The following CNTNAP2 variants were observed in gnomAD, a reference collection of about 807,000 sequenced individuals.
CNTNAP2 encodes contactin-associated protein-like 2.
CNTNAP2 carries 98 observed loss-of-function variants against 155.2 expected under a neutral mutation model. The ratio of observed to expected loss-of-function variants is 0.63; its 90% CI spans 0.54 to 0.75. CNTNAP2 has a LOEUF of 0.75. Among genes scored for constraint, CNTNAP2 ranks in the 30% least tolerant of loss-of-function variants. The pLI, the probability that CNTNAP2 is intolerant of heterozygous loss-of-function variation, is 0.00. For synonymous variants in CNTNAP2, 651 were observed against 631.2 expected (o/e 1.03, Z -0.47); for missense variants, 1,727 against 1,688.1 (o/e 1.02, Z -0.40).
At chr7:146,385,960 C>A (rs943767495) in intron 1 of CNTNAP2, among the ~76,000 whole-genome samples, 2 of 152,054 alleles carry the variant, frequency 1.3e-5, no homozygotes, top group African/African-American at 4.8e-5. Flanking sequence ...ATAAGCATAT[C>A]ACATACAAGT....
chr7:146,943,426 A>T (rs1480357782), intron 3 of CNTNAP2, among the ~76,000 whole-genome samples: 2 of 152,202 alleles, frequency 1.3e-5, no homozygotes, highest in Admixed American at 1.3e-4. Flanking sequence ...TGGGAGACAG[A>T]GGTTGCAGTG....
chr7:146,565,802 C>A (rs1423938038), intron 1 of CNTNAP2, among the ~76,000 whole-genome samples: 2 of 152,168 alleles, frequency 1.3e-5, no homozygotes, highest in African/African-American at 4.8e-5. Flanking sequence ...GTGGCCCATG[C>A]CATACTTCAA....
At chr7:146,389,703 C>CTTTTTTTTT in intron 1 of CNTNAP2, among the ~76,000 whole-genome samples, 1 of 129,016 alleles carries the variant, frequency 7.8e-6, no homozygotes, top group Non-Finnish European at 1.7e-5. Context: ...TTTCTTTTTT[C>CTTTTTTTTT]TTTTTTTTTT....
intron 3 of CNTNAP2, among the ~76,000 whole-genome samples, chr7:146,855,869 C>A (rs1460043149): frequency 1.5e-5 from 2 of 136,950 alleles, no homozygotes; most frequent in African/African-American, 5.4e-5. Flanking sequence ...TTACATACTA[C>A]ATGCTAAGTA....
At chr7:147,879,387 G>A (rs980941022) in intron 13 of CNTNAP2, among the ~76,000 whole-genome samples, 1 of 152,166 alleles carries the variant, frequency 6.6e-6, no homozygotes, top group Non-Finnish European at 1.5e-5. Context: ...CTCTGACTCT[G>A]CCAGGCACCA....
intron 16 of CNTNAP2, among the ~76,000 whole-genome samples, chr7:148,122,618 A>C (rs2116615590): frequency 6.6e-6 from 1 of 152,282 alleles, no homozygotes; most frequent in African/African-American, 2.4e-5. Flanking sequence ...CTGACTCAAC[A>C]TGACCCTGAA....
chr7:148,271,130 A>G (rs1043324458), intron 21 of CNTNAP2, among the ~76,000 whole-genome samples: 1 of 152,238 alleles, frequency 6.6e-6, no homozygotes, highest in Non-Finnish European at 1.5e-5. Flanking sequence ...GATGCTAGCT[A>G]CATGCCGGTT....
intron 15 of CNTNAP2, among the ~76,000 whole-genome samples, chr7:148,013,644 T>C (rs1033286741): frequency 4.6e-5 from 7 of 152,228 alleles, no homozygotes; most frequent in Non-Finnish European, 7.3e-5. Context: ...AAATCAATTA[T>C]TGGTGTGAGG....
At chr7:147,284,092 T>C (rs982120294) in intron 8 of CNTNAP2, among the ~76,000 whole-genome samples, 3 of 151,908 alleles carry the variant, frequency 2.0e-5, no homozygotes, top group South Asian at 2.1e-4. Context: ...GAACGGCAAG[T>C]ACAAATGTGA....
chr7:147,050,278 A>G (rs1204250654), intron 4 of CNTNAP2, among the ~76,000 whole-genome samples: 1 of 152,228 alleles, frequency 6.6e-6, no homozygotes, highest in Non-Finnish European at 1.5e-5. Flanking sequence ...TTATGGCTGC[A>G]TTACTCAAAC....
At chr7:148,347,583 C>A (rs1479966083) in intron 21 of CNTNAP2, among the ~76,000 whole-genome samples, 1 of 152,120 alleles carries the variant, frequency 6.6e-6, no homozygotes. Context: ...TAAATTAGGC[C>A]TTTCAGAGCC....
chr7:148,047,963 G>A (rs997156184), intron 15 of CNTNAP2, among the ~76,000 whole-genome samples: 5 of 151,350 alleles, frequency 3.3e-5, no homozygotes, highest in African/African-American at 9.7e-5. Flanking sequence ...TCGCTTTGTC[G>A]CCCAGTCTGG....
At chr7:146,749,220 T>C (rs1302488409) in intron 1 of CNTNAP2, among the ~76,000 whole-genome samples, 1 of 152,208 alleles carries the variant, frequency 6.6e-6, no homozygotes, top group African/African-American at 2.4e-5. Flanking sequence ...TGTATCTATA[T>C]GTATATGTAT....
intron 1 of CNTNAP2, among the ~76,000 whole-genome samples, chr7:146,390,003 G>A (rs1795517701): frequency 6.6e-6 from 1 of 151,660 alleles, no homozygotes; most frequent in Non-Finnish European, 1.5e-5. Flanking sequence ...GCCCAGCCCC[G>A]TATTTCTTTA....
rs1400946691 is a variant in CNTNAP2, at chr7:147,278,125, T to C, written c.1349-22016T>C. Among the ~76,000 whole-genome samples the C allele has an allele frequency of 5.3e-5, 3 of 56,336 alleles. No individual in the cohort carries two copies. The East Asian group carries it at 1.5e-3, about 27-fold the overall frequency. 37.0% of individuals were successfully genotyped at this position (56,336 alleles called of 152,430 possible). On this transcript the variant is annotated intron_variant, in intron 8 of 23. Transcript: ENST00000361727. The stretch of plus-strand genomic sequence containing the variant: ...GGAGCTCAGGAAGGGGTGGAAACCA[T>C]GCAAAAAAAAAAAAAAAAATAGCCT...
At chr7:147,289,246 C>T (rs1278190197) in intron 8 of CNTNAP2, among the ~76,000 whole-genome samples, 2 of 151,968 alleles carry the variant, frequency 1.3e-5, no homozygotes, top group Non-Finnish European at 2.9e-5. Flanking sequence ...TGGTATGATA[C>T]CCAGACTTAA....
intron 15 of CNTNAP2, among the ~76,000 whole-genome samples, chr7:148,115,112 A>T (rs1293891186): frequency 1.3e-5 from 2 of 152,268 alleles, no homozygotes; most frequent in Non-Finnish European, 2.9e-5. Context: ...GAATGAGTCT[A>T]TTCAAGAGAT....
chr7:147,242,815 G>C lies in CNTNAP2; in HGVS notation c.1349-57326G>C, dbSNP rs74874178. ...ACTCTACCTTCCTCCTAAGTAAAAAGTTAACAATTCTCCTTTCCTTACCAT... is the reference window on the plus strand; with the variant it reads ...ACTCTACCTTCCTCCTAAGTAAAAACTTAACAATTCTCCTTTCCTTACCAT... On this transcript the variant is annotated intron_variant, in intron 8 of 23. Coordinates refer to ENST00000361727, the MANE Select transcript of CNTNAP2 (RefSeq NM_014141.6). Among the ~76,000 whole-genome samples the C allele has an allele frequency of 9.5e-3, 1,449 of 151,916 alleles. 9 individuals carry two copies. The highest frequency in any genetic ancestry group is 0.015 in the Non-Finnish European group (995 of 67,958).
At chr7:146,992,629 A>C (rs1029263501) in intron 3 of CNTNAP2, among the ~76,000 whole-genome samples, 2 of 152,088 alleles carry the variant, frequency 1.3e-5, no homozygotes, top group Non-Finnish European at 2.9e-5. Flanking sequence ...CTCCCTGTAC[A>C]CAGGCCAATT....
Sources: allele counts gnomAD v4.1 joint callset (sites outside exome capture counted in the v4.1 genomes callset), GRCh38; gene constraint gnomAD v4.1.1; transcripts MANE v1.5; gene names NCBI Gene and HGNC (gene_info 2026-07-23, HGNC 2026-07-21).